Variants in YJU2B observed in about 807,000 individuals in gnomAD.
YJU2B encodes the protein probable splicing factor YJU2B.
In YJU2B, 18 loss-of-function variants were observed where a neutral mutation model predicts 38.0. The ratio of observed to expected loss-of-function variants is 0.47; its 90% confidence interval spans 0.33 to 0.70. YJU2B has a LOEUF of 0.70. YJU2B is among the 30% of genes least tolerant of loss of function. YJU2B has a pLI of 0.02. For synonymous variants in YJU2B, 246 were observed against 225.4 expected (o/e 1.09, Z -0.82); for missense variants, 538 against 556.3 (o/e 0.97, Z 0.33).
At chr19:13,759,052 A>G (rs1288979554) in intron 7 of YJU2B, 42 bp downstream of exon 7, 1 of 1,612,250 alleles carries the variant, frequency 6.2e-7, no homozygotes, top group Non-Finnish European at 8.5e-7. Flanking sequence ...CCTGGCCCTG[A>G]GTCTGCGCTG....
intron 2 of YJU2B, among the ~76,000 whole-genome samples, chr19:13,740,523 TTTTG>T (rs1319885923): frequency 6.6e-6 from 1 of 151,610 alleles, no homozygotes; most frequent in Non-Finnish European, 1.5e-5. Context: ...GTTAGACGTT[TTTTG>T]TTTTTTTGTT....
intron 1 of YJU2B, among the ~76,000 whole-genome samples, chr19:13,748,445 G>C (rs190807574): frequency 2.9e-4 from 44 of 152,144 alleles, no homozygotes; most frequent in African/African-American, 1.1e-3. Flanking sequence ...GGAGCTCCGA[G>C]CCCAAGCCGT....
intron 6 of YJU2B, among the ~76,000 whole-genome samples, chr19:13,758,188 C>A (rs957137567): frequency 1.6e-4 from 25 of 152,310 alleles, no homozygotes; most frequent in Admixed American, 1.4e-3. Flanking sequence ...ATGCTCTTCC[C>A]CAGGTAGCTC....
chr19:13,762,226 A>T, intron 8 of YJU2B, 73 bp from the exon 9 acceptor site: 1 of 1,519,106 alleles, frequency 6.6e-7, no homozygotes, highest in Non-Finnish European at 8.9e-7. Flanking sequence ...GAGTTGGAGC[A>T]GTGCCCCCTA....
chr19:13,735,301 C>T (rs545565858), intron 2 of YJU2B, among the ~76,000 whole-genome samples: 39 of 152,218 alleles, frequency 2.6e-4, no homozygotes, highest in African/African-American at 6.0e-4. Context: ...GAAGACAGAG[C>T]GAGACTCTGT....
At chr19:13,742,153 G>A (rs139334242) in intron 2 of YJU2B, among the ~76,000 whole-genome samples, 31 of 152,122 alleles carry the variant, frequency 2.0e-4, no homozygotes, top group Admixed American at 1.2e-3. Context: ...CTTTGTCCCA[G>A]GCCACTGTCT....
At chr19:13,749,394 T>C (rs1973369759) in intron 1 of YJU2B, among the ~76,000 whole-genome samples, 1 of 152,228 alleles carries the variant, frequency 6.6e-6, no homozygotes, top group Non-Finnish European at 1.5e-5. Context: ...TTCAAATTTC[T>C]GTGTCCATCA....
chr19:13,753,106 C>T (rs1973531632), intron 2 of YJU2B, among the ~76,000 whole-genome samples: 1 of 152,196 alleles, frequency 6.6e-6, no homozygotes, highest in Non-Finnish European at 1.5e-5. Flanking sequence ...TTTTCCAAAG[C>T]AATGACAATG....
chr19:13,742,458 A>G (rs1378316276), intron 2 of YJU2B, among the ~76,000 whole-genome samples: 1 of 152,106 alleles, frequency 6.6e-6, no homozygotes, highest in Non-Finnish European at 1.5e-5. Flanking sequence ...CTCACATTTT[A>G]TATGGCTCCC....
intron 6 of YJU2B, 146 bp from the exon 7 acceptor site, chr19:13,758,722 G>T (rs1448491731): frequency 3.4e-6 from 3 of 878,320 alleles, no homozygotes; most frequent in Non-Finnish European, 5.2e-6. Flanking sequence ...GCCCCTTTTT[G>T]CCCGTGGCTC....
intron 1 of YJU2B, among the ~76,000 whole-genome samples, chr19:13,750,248 G>A (rs1973405257): frequency 6.6e-6 from 1 of 152,132 alleles, no homozygotes; most frequent in Non-Finnish European, 1.5e-5. Context: ...GTTTGTTTGA[G>A]ACGGAGTCTC....
rs766174535 is a variant in YJU2B, at chr19:13,762,454, G to C, written c.712+17G>C. 6.2e-7 allele frequency: 1 copy of C among 1,609,620 alleles called. No individual in the cohort carries two copies. The highest frequency in any genetic ancestry group is 1.7e-5 in the Admixed American group (1 of 59,578). On this transcript the variant is annotated intron_variant, in intron 9 of 9. Coordinates refer to ENST00000221554, the MANE Select transcript of YJU2B (RefSeq NM_030818.4). ...CCCTGGACTGTGCGTAGGAGGCCAGGGGGAAAAGGGGACAGGGAGGCTCAG... is the reference window on the plus strand; with the variant it reads ...CCCTGGACTGTGCGTAGGAGGCCAGCGGGAAAAGGGGACAGGGAGGCTCAG...
chr19:13,751,766 G>C lies in YJU2B; in HGVS notation c.-43G>C. 6.2e-7 allele frequency: 1 copy of C among 1,613,408 alleles called. No individual in the cohort carries two copies. Among genetic ancestry groups the C allele is most frequent in the Non-Finnish European group, 8.5e-7 (1 of 1,179,342 alleles). Reference sequence around the variant, plus strand: ...CAGTGTGTTCACAAGGCCAGTTTCTGATCGTCCGCCCCGAGGCTGAGGACC... The same window carrying C: ...CAGTGTGTTCACAAGGCCAGTTTCTCATCGTCCGCCCCGAGGCTGAGGACC... On this transcript the variant is annotated 5_prime_UTR_variant, in exon 2 of 10. Transcript: ENST00000221554.
At chr19:13,745,600 A>G (rs1235206913), upstream of YJU2B, among the ~76,000 whole-genome samples, 5 of 151,504 alleles carry the variant, frequency 3.3e-5, no homozygotes, top group Admixed American at 2.0e-4. Context: ...GCGGTGAGCC[A>G]AGATTGTGCC....
rs1258596966 is a variant in YJU2B, at chr19:13,758,931, C to T, written c.321C>T (p.Cys107=). The T allele has an allele frequency of 9.9e-6, 16 of 1,613,982 alleles. No individual in the cohort carries two copies. Among genetic ancestry groups the T allele is most frequent in the South Asian group, 4.4e-5 (4 of 91,064 alleles). The change falls in exon 7 of 10, where the codon TGC becomes TGT. Residue 107 remains cysteine (C), a synonymous_variant. Transcript: ENST00000221554. ...AGATGCAGACGGACCCCGCCAACTGCGACTACGTGATCGTGAGTGGCGCCC... is the reference window on the plus strand; with the variant it reads ...AGATGCAGACGGACCCCGCCAACTGTGACTACGTGATCGTGAGTGGCGCCC... ...YIEMQTDPAN[C]DYVIVSGAQR...
intron 2 of YJU2B, among the ~76,000 whole-genome samples, chr19:13,753,574 CAAAAAA>C (rs34397712): frequency 1.4e-5 from 1 of 71,884 alleles, no homozygotes; most frequent in Non-Finnish European, 2.6e-5. Context: ...AACTCTGTCT[CAAAAAA>C]AAAAAAAAAA....
At chr19:13,748,726 C>T (rs1973344321) in intron 1 of YJU2B, among the ~76,000 whole-genome samples, 1 of 152,210 alleles carries the variant, frequency 6.6e-6, no homozygotes, top group South Asian at 2.1e-4. Flanking sequence ...AGCGCAGTCA[C>T]TGACCAAGGT....
upstream of YJU2B, among the ~76,000 whole-genome samples, chr19:13,743,723 T>C (rs1017989339): frequency 1.4e-5 from 2 of 145,708 alleles, no homozygotes; most frequent in African/African-American, 5.1e-5. Context: ...CGAAGCCCTG[T>C]CTCTACTAAA....
chr19:13,737,789 A>G (rs1391888809), intron 2 of YJU2B, among the ~76,000 whole-genome samples: 1 of 151,680 alleles, frequency 6.6e-6, no homozygotes, highest in Non-Finnish European at 1.5e-5. Flanking sequence ...CATCTCAAAA[A>G]ATAAATAAAT....
Sources: allele counts gnomAD v4.1 joint callset (sites outside exome capture counted in the v4.1 genomes callset), GRCh38; gene constraint gnomAD v4.1.1; transcripts MANE v1.5; gene names NCBI Gene and HGNC (gene_info 2026-07-23, HGNC 2026-07-21).